The following CPAMD8 variants were observed in gnomAD, a reference collection of about 807,000 sequenced individuals.
CPAMD8 encodes C3 and PZP like alpha-2-macroglobulin domain containing 8.
Under a neutral mutation model 224.7 loss-of-function variants are expected in CPAMD8, and 146 were observed. The ratio of observed to expected loss-of-function variants is 0.65; its 90% CI spans 0.57 to 0.75. The LOEUF (loss-of-function observed/expected upper bound fraction) is 0.75. Ranked by LOEUF, CPAMD8 falls within the 30% of genes least tolerant of loss-of-function variation. The pLI is 0.00. For synonymous variants in CPAMD8, 966 were observed against 1,044.6 expected (o/e 0.92, Z 1.45); for missense variants, 2,301 against 2,537.5 (o/e 0.91, Z 2.00).
intron 13 of CPAMD8, among the ~76,000 whole-genome samples, chr19:16,987,164 AAAAAAAAAAAAAAAAATATAT>A (rs1353479061): frequency 2.9e-4 from 30 of 101,752 alleles, no homozygotes; most frequent in African/African-American, 1.1e-3. Context: ...AAAAAAAAAA[AAAAAAAAAAAAAAAAATATAT>A]ATATATATAT....
intron 27 of CPAMD8, among the ~76,000 whole-genome samples, chr19:16,919,449 T>C (rs1000100002): frequency 5.9e-5 from 9 of 152,170 alleles, no homozygotes; most frequent in Non-Finnish European, 1.3e-4. Flanking sequence ...AAACAAATCT[T>C]CCAGCCCCAG....
At chr19:16,933,309 A>C (rs2053597425) in intron 23 of CPAMD8, among the ~76,000 whole-genome samples, 1 of 152,172 alleles carries the variant, frequency 6.6e-6, no homozygotes, top group African/African-American at 2.4e-5. Flanking sequence ...ATTAATGAAT[A>C]AAAAGAAAAA....
chr19:16,992,107 G>A (rs1043141871), intron 12 of CPAMD8, among the ~76,000 whole-genome samples: 9 of 152,148 alleles, frequency 5.9e-5, no homozygotes, highest in Non-Finnish European at 8.8e-5. Flanking sequence ...CCAAAGCCAA[G>A]GGCTGGGACA....
intron 7 of CPAMD8, among the ~76,000 whole-genome samples, chr19:17,007,369 AG>A (rs994726229): frequency 1.8e-4 from 27 of 151,808 alleles, no homozygotes; most frequent in Non-Finnish European, 3.5e-4. Flanking sequence ...AAAAAGGAGA[AG>A]GAGGAAGAAG....
At chr19:17,000,185 GGCTCAC>G in intron 10 of CPAMD8, 1 of 406,568 alleles carries the variant, frequency 2.5e-6, no homozygotes, top group Admixed American at 4.2e-5. Flanking sequence ...AAACAGCGGT[GGCTCAC>G]ACTTGTCATC....
chr19:16,996,316 C>T (rs1057262758), intron 11 of CPAMD8, among the ~76,000 whole-genome samples: 3 of 152,030 alleles, frequency 2.0e-5, no homozygotes, highest in Non-Finnish European at 2.9e-5. Flanking sequence ...CCAGCCTGGG[C>T]GACAGAACAA....
chr19:16,991,312 G>A (rs2055941269), intron 12 of CPAMD8, among the ~76,000 whole-genome samples: 1 of 152,160 alleles, frequency 6.6e-6, no homozygotes, highest in South Asian at 2.1e-4. Flanking sequence ...AAAGGTGGTA[G>A]GGTAGTGGAA....
chr19:16,940,340 AT>A (rs1470351351), intron 22 of CPAMD8, among the ~76,000 whole-genome samples: 1 of 152,074 alleles, frequency 6.6e-6, no homozygotes, highest in African/African-American at 2.4e-5. Context: ...AACAAATCTC[AT>A]TCTATGTATG....
intron 3 of CPAMD8, among the ~76,000 whole-genome samples, chr19:17,014,709 G>A (rs893445384): frequency 3.9e-5 from 6 of 152,130 alleles, no homozygotes; most frequent in Non-Finnish European, 5.9e-5. Context: ...AACAGTATGG[G>A]GGAAACCACC....
chr19:17,012,369 G>A (rs1186388400), intron 3 of CPAMD8, among the ~76,000 whole-genome samples: 1 of 139,866 alleles, frequency 7.1e-6, no homozygotes, highest in Non-Finnish European at 1.6e-5. Flanking sequence ...TTTTTTTCAG[G>A]CAGGGTTTAT....
Position 17,011,619 on chromosome 19 carries a change from T to C in CPAMD8, c.406A>G (p.Lys136Glu), listed in dbSNP as rs371392319. Residue 136 changes from lysine (K) to glutamate (E), a missense_variant, in exon 4 of 42, where the codon AAG becomes GAG. Lys to Glu is a moderately conservative substitution (Grantham distance 56). Coordinates refer to ENST00000443236, the MANE Select transcript of CPAMD8 (RefSeq NM_015692.5). The stretch of plus-strand genomic sequence containing the variant: ...CGGTGCTGGGGTCTGTACACAGGCT[T>C]GTCCGTCTGGATGAATACAGAAGCG... ...RGASVFIQTD[K>E]PVYRPQHRVL... The C allele has an allele frequency of 6.2e-6, 10 of 1,614,054 alleles. No homozygotes were observed. In the African/African-American group the frequency reaches 1.1e-4, roughly 17 times the overall value.
rs2052167697 is a variant in CPAMD8, at chr19:16,899,610, C to A, written c.4774-61G>T. On this transcript the variant is annotated intron_variant, in intron 36 of 41. Coordinates refer to ENST00000443236, the MANE Select transcript of CPAMD8 (RefSeq NM_015692.5). The surrounding 1 kb of genome is among the most constrained non-coding windows in gnomAD (Gnocchi z 5.4). ...CTCTACTTGCTTCCTCTCCCATCCC[C>A]TGGGGGCAGTGGTCAGTGGGATGCT... The A allele has an allele frequency of 2.4e-6, 2 of 834,974 alleles. No homozygotes were observed. The highest frequency in any genetic ancestry group is 1.7e-5 in the African/African-American group (1 of 60,356). The allele number at this position is 834,974 out of a possible 1,614,324, so 51.7% of individuals were successfully genotyped here. A position where few individuals can be genotyped will look rare whatever the true frequency, so the allele number is the denominator to read the frequency against.
intron 32 of CPAMD8, 81 bp from the exon 33 acceptor site, chr19:16,903,938 G>T: frequency 7.2e-7 from 1 of 1,395,366 alleles, no homozygotes; most frequent in Non-Finnish European, 9.9e-7. Flanking sequence ...TGGAAGCCTA[G>T]CCTAAAACAG....
At chr19:16,956,026 C>T (rs1260320170) in intron 19 of CPAMD8, among the ~76,000 whole-genome samples, 1 of 152,072 alleles carries the variant, frequency 6.6e-6, no homozygotes, top group African/African-American at 2.4e-5. Flanking sequence ...CTTTTGGGTC[C>T]AGCAGGAACC....
In CPAMD8 at chr19:17,013,189, A is replaced by C. The variant is rs369777329; in HGVS notation, c.268-1432T>G. On this transcript the variant is annotated intron_variant, in intron 3 of 41. Transcript: ENST00000443236. ...AGAGTGAAACTCCATCTCCAAAAAAAATAAATAAACAAATAATACAAATAA... is the reference window on the plus strand; with the variant it reads ...AGAGTGAAACTCCATCTCCAAAAAACATAAATAAACAAATAATACAAATAA... Among the ~76,000 whole-genome samples, 8 of 151,818 alleles carry C rather than the reference A, an allele frequency of 5.3e-5. No individual in the cohort carries two copies. In the East Asian group the frequency reaches 1.4e-3, roughly 26 times the overall value.
Position 16,893,189 on chromosome 19 carries a change from G to A in CPAMD8, c.5577C>T (p.Ser1859=). Residue 1859 remains serine (S), a synonymous_variant, in exon 42 of 42, where the codon AGC becomes AGT. Transcript: ENST00000443236. Reference sequence around the variant, plus strand: ...AGGCTGGGCTGTAGACGAAGACAGGGCTCAGAAGCCCTGGCCTGTGGGCCC... The same window carrying A: ...AGGCTGGGCTGTAGACGAAGACAGGACTCAGAAGCCCTGGCCTGTGGGCCC... The part of the protein sequence containing the change: ...VVGAHRPGLL[S]PVFVYSPAFQ... 1 of 1,596,618 alleles carries A rather than the reference G, an allele frequency of 6.3e-7. No individual in the cohort carries two copies. Among genetic ancestry groups the A allele is most frequent in the South Asian group, 1.1e-5 (1 of 89,502 alleles).
intron 3 of CPAMD8, among the ~76,000 whole-genome samples, chr19:17,014,838 G>A (rs2056768734): frequency 6.6e-6 from 1 of 152,154 alleles, no homozygotes. Flanking sequence ...CCCTCTATGT[G>A]ACCGGTATTT....
At position 16,898,125 on chromosome 19, in the gene CPAMD8, C is replaced by A; in HGVS notation, c.4849-131G>T. The A allele has an allele frequency of 5.0e-6, 3 of 596,324 alleles. No homozygotes were observed. Among genetic ancestry groups the A allele is most frequent in the Non-Finnish European group, 8.7e-6 (3 of 346,292 alleles). 36.9% of individuals were successfully genotyped at this position (596,324 alleles called of 1,614,324 possible). ...CACAGAAGAAACGTGATCCCATTTTCTTTTTTTCTTTTACTTTTCTTTTTT... is the reference window on the plus strand; with the variant it reads ...CACAGAAGAAACGTGATCCCATTTTATTTTTTTCTTTTACTTTTCTTTTTT... On this transcript the variant is annotated intron_variant, in intron 37 of 41. Transcript: ENST00000443236. This position sits in a 1 kb window ranked among gnomAD's most constrained non-coding sequence, Gnocchi z 4.2.
At chr19:16,974,926 G>C (rs2055202349) in intron 17 of CPAMD8, among the ~76,000 whole-genome samples, 171 bp downstream of exon 17, 1 of 152,110 alleles carries the variant, frequency 6.6e-6, no homozygotes. Flanking sequence ...AGTGAGCTAT[G>C]ATCACACCAC....
Sources: allele counts gnomAD v4.1 joint callset (sites outside exome capture counted in the v4.1 genomes callset), GRCh38; gene constraint gnomAD v4.1.1; non-coding constraint Gnocchi (gnomAD v3.1); transcripts MANE v1.5; gene names NCBI Gene and HGNC (gene_info 2026-07-23, HGNC 2026-07-21).